Variants in MIPOL1 observed in about 807,000 individuals in gnomAD.
The protein encoded by MIPOL1 is mirror-image polydactyly gene 1 protein.
Under a neutral mutation model 60.9 loss-of-function variants are expected in MIPOL1, and 57 were observed. The ratio of observed to expected loss-of-function variants is 0.94; its 90% CI spans 0.76 to 1.17. The LOEUF (loss-of-function observed/expected upper bound fraction) is 1.17, where lower values mean the gene tolerates loss of function less well. MIPOL1 is among the 50% of genes most tolerant of loss of function. The pLI is 0.00. For synonymous variants in MIPOL1, 179 were observed against 168.8 expected, an observed-to-expected ratio of 1.06 and a Z score of -0.47; for missense variants, 551 against 511.6, an observed-to-expected ratio of 1.08 and a Z score of -0.74.
At chr14:37,500,746 G>T (rs1362193925) in intron 12 of MIPOL1, among the ~76,000 whole-genome samples, 1 of 152,168 alleles carries the variant, frequency 6.6e-6, no homozygotes, top group Non-Finnish European at 1.5e-5. Context: ...ACCAGGCAAA[G>T]AAGTCACTTG....
At chr14:37,225,705 T>A (rs1652505850) in intron 1 of MIPOL1, among the ~76,000 whole-genome samples, 1 of 151,588 alleles carries the variant, frequency 6.6e-6, no homozygotes, top group Admixed American at 6.6e-5. Flanking sequence ...CCCATTGTCT[T>A]GGGGATTAAT....
At chr14:37,279,973 T>C (rs2083973561) in intron 6 of MIPOL1, among the ~76,000 whole-genome samples, 1 of 152,142 alleles carries the variant, frequency 6.6e-6, no homozygotes, top group South Asian at 2.1e-4. Flanking sequence ...CTGGTAGCTA[T>C]TGTTCTACTC....
intron 1 of MIPOL1, among the ~76,000 whole-genome samples, chr14:37,206,991 T>C (rs1966195303): frequency 6.6e-6 from 1 of 152,194 alleles, no homozygotes; most frequent in Non-Finnish European, 1.5e-5. Context: ...GCTGTGGACT[T>C]TTGAGTTAAT....
intron 10 of MIPOL1, among the ~76,000 whole-genome samples, chr14:37,378,087 C>G (rs1193664189): frequency 6.6e-6 from 1 of 151,980 alleles, no homozygotes; most frequent in African/African-American, 2.4e-5. Flanking sequence ...TCATACATTG[C>G]TGTTAGGAGT....
intron 9 of MIPOL1, among the ~76,000 whole-genome samples, chr14:37,341,610 T>A (rs1042900227): frequency 7.2e-5 from 11 of 152,322 alleles, no homozygotes; most frequent in East Asian, 3.9e-4. Flanking sequence ...TATTATTTTT[T>A]AAATTTTTTT....
chr14:37,233,299 A>G (rs766305887), intron 1 of MIPOL1, among the ~76,000 whole-genome samples: 16 of 152,220 alleles, frequency 1.1e-4, no homozygotes, highest in Non-Finnish European at 1.8e-4. Context: ...ATTGGCCCCA[A>G]GAAGAAGTCA....
At chr14:37,407,838 TCTTC>T (rs1566543545) in intron 10 of MIPOL1, among the ~76,000 whole-genome samples, 2 of 88,156 alleles carry the variant, frequency 2.3e-5, no homozygotes, top group African/African-American at 1.4e-4. Context: ...TCTTTCTTCT[TCTTC>T]TTCTTTTTTT....
At position 37,548,310 on chromosome 14, in the gene MIPOL1, C is replaced by T. The variant is rs2095553234; in HGVS notation, c.*1339C>T. ...TATCCATTTCAATTTTTTTTTACTC[C>T]ACAGGAAAATGTAAGCTACTTTGTC... On this transcript the variant is annotated 3_prime_UTR_variant, in exon 13 of 13. Coordinates refer to ENST00000684589, the MANE Select transcript of MIPOL1 (RefSeq NM_001388067.1). 2 of 151,802 alleles carry T rather than the reference C, an allele frequency of 1.3e-5. No homozygotes were observed. The highest frequency in any genetic ancestry group is 4.8e-5 in the African/African-American group (2 of 41,366). 9.4% of individuals were successfully genotyped at this position (151,802 alleles called of 1,614,324 possible).
At chr14:37,445,281 AACAG>A (rs1481104323) in intron 11 of MIPOL1, among the ~76,000 whole-genome samples, 1 of 151,964 alleles carries the variant, frequency 6.6e-6, no homozygotes, top group Non-Finnish European at 1.5e-5. Flanking sequence ...ATACACCAAT[AACAG>A]ACAGAGAACC....
chr14:37,226,321 A>G (rs992051379), intron 1 of MIPOL1, among the ~76,000 whole-genome samples: 1 of 152,170 alleles, frequency 6.6e-6, no homozygotes, highest in Non-Finnish European at 1.5e-5. Context: ...AGACTGGGCA[A>G]TTTACAAAAG....
chr14:37,415,883 C>T (rs1412420421), intron 10 of MIPOL1, among the ~76,000 whole-genome samples: 1 of 152,082 alleles, frequency 6.6e-6, no homozygotes, highest in Non-Finnish European at 1.5e-5. Context: ...AGAATAGTGT[C>T]TGGCATGTCT....
intron 6 of MIPOL1, among the ~76,000 whole-genome samples, chr14:37,271,457 T>A (rs2083296857): frequency 6.6e-6 from 1 of 151,900 alleles, no homozygotes; most frequent in Admixed American, 6.6e-5. Flanking sequence ...TATGATTAAC[T>A]AGGAGAGCTT....
intron 9 of MIPOL1, among the ~76,000 whole-genome samples, chr14:37,355,536 A>G (rs1430857392): frequency 6.6e-6 from 1 of 151,096 alleles, no homozygotes; most frequent in Non-Finnish European, 1.5e-5. Context: ...TGTCACTTTC[A>G]GGTACACCAA....
chr14:37,411,999 G>A (rs1166485808), intron 10 of MIPOL1, among the ~76,000 whole-genome samples: 1 of 152,040 alleles, frequency 6.6e-6, no homozygotes, highest in Admixed American at 6.6e-5. Flanking sequence ...CTGTGAGATG[G>A]ATATTATCAC....
intron 9 of MIPOL1, among the ~76,000 whole-genome samples, chr14:37,344,886 C>T (rs918329492): frequency 5.3e-5 from 8 of 151,824 alleles, no homozygotes; most frequent in South Asian, 2.1e-4. Flanking sequence ...TAAAAATACC[C>T]GGGCATGGCG....
At chr14:37,226,995 G>GA (rs1969855232) in intron 1 of MIPOL1, among the ~76,000 whole-genome samples, 1 of 152,114 alleles carries the variant, frequency 6.6e-6, no homozygotes, top group South Asian at 2.1e-4. Flanking sequence ...GTAAGAAGCT[G>GA]AAAATGTCTC....
chr14:37,327,783 T>G (rs1263333609), intron 9 of MIPOL1, among the ~76,000 whole-genome samples: 1 of 152,164 alleles, frequency 6.6e-6, no homozygotes, highest in East Asian at 1.9e-4. Context: ...GAAACTATTA[T>G]TTTGCTCTTC....
At chr14:37,485,786 G>C (rs1469844597) in intron 11 of MIPOL1, among the ~76,000 whole-genome samples, 1 of 152,112 alleles carries the variant, frequency 6.6e-6, no homozygotes, top group Non-Finnish European at 1.5e-5. Flanking sequence ...TAGATTGCCT[G>C]TTTATTCTGA....
intron 1 of MIPOL1, among the ~76,000 whole-genome samples, chr14:37,239,644 T>A (rs932685887): frequency 6.6e-6 from 1 of 152,232 alleles, no homozygotes; most frequent in Non-Finnish European, 1.5e-5. Context: ...CAGCTTGTTT[T>A]ATTTTTTCTT....
Sources: gnomAD v4.1 joint callset for allele counts (sites outside exome capture counted in the v4.1 genomes callset) on GRCh38, gnomAD v4.1.1 for gene constraint, MANE v1.5 for transcripts, NCBI Gene and HGNC (gene_info 2026-07-23, HGNC 2026-07-21) for gene names.